The following CRY1 variants were observed in gnomAD, a reference collection of about 807,000 sequenced individuals.
The protein encoded by CRY1 is cryptochrome circadian regulator 1, also known as cryptochrome-1.
CRY1 carries 45 observed loss-of-function variants against 76.0 expected under a neutral mutation model. That is an observed-to-expected ratio of 0.59 (90% CI 0.47 to 0.76). The LOEUF (loss-of-function observed/expected upper bound fraction) is 0.76. Ranked by LOEUF, CRY1 falls within the 30% of genes least tolerant of loss-of-function variation. CRY1 has a pLI of 0.00. For missense variants in CRY1, 587 were observed against 716.4 expected (o/e 0.82, Z 2.06); for synonymous variants, 248 against 244.0 (o/e 1.02, Z -0.15).
chr12:107,092,540 C>G (rs985129564), intron 1 of CRY1, among the ~76,000 whole-genome samples: 2 of 152,170 alleles, frequency 1.3e-5, no homozygotes, highest in African/African-American at 4.8e-5. Flanking sequence ...TAAGAATTCT[C>G]CACAAATTCA....
intron 1 of CRY1, among the ~76,000 whole-genome samples, chr12:107,046,854 T>C (rs964365105): frequency 6.6e-6 from 1 of 152,230 alleles, no homozygotes; most frequent in Non-Finnish European, 1.5e-5. Context: ...TAATATAATG[T>C]ATCCAACACT....
chr12:107,090,295 A>G (rs528150720), intron 1 of CRY1, among the ~76,000 whole-genome samples: 2 of 151,980 alleles, frequency 1.3e-5, no homozygotes, highest in African/African-American at 2.4e-5. Flanking sequence ...GTTTTGCCAT[A>G]TTGGCCAGGC....
intron 1 of CRY1, among the ~76,000 whole-genome samples, chr12:107,046,820 T>C (rs560031207): frequency 1.3e-5 from 2 of 152,270 alleles, no homozygotes; most frequent in Admixed American, 1.3e-4. Flanking sequence ...AAGGATCAAT[T>C]CAACAAGAGG....
rs570527385 is a variant in CRY1, at chr12:107,093,306, G to A, written c.-345C>T. ...GGAGCTCGAGCCGCCACGACGGCCCGAGCCGGCACGGACGGCCCCAGGAGA... is the reference window on the plus strand; with the variant it reads ...GGAGCTCGAGCCGCCACGACGGCCCAAGCCGGCACGGACGGCCCCAGGAGA... On this transcript the variant is annotated 5_prime_UTR_variant, in exon 1 of 13. Coordinates refer to ENST00000008527, the MANE Select transcript of CRY1 (RefSeq NM_004075.5). 92 of 241,184 alleles carry A rather than the reference G, an allele frequency of 3.8e-4. 1 individual carries two copies. The highest frequency in any genetic ancestry group is 1.9e-3 in the African/African-American group (85 of 44,398). The allele number at this position is 241,184 out of a possible 1,614,324, so 14.9% of individuals were successfully genotyped here.
intron 1 of CRY1, among the ~76,000 whole-genome samples, chr12:107,041,799 G>T: frequency 6.6e-6 from 1 of 151,504 alleles, no homozygotes. Context: ...GGGTGGGGGT[G>T]GGGAAGAGTG....
At chr12:107,045,136 A>C (rs1395266477) in intron 1 of CRY1, among the ~76,000 whole-genome samples, 2 of 152,194 alleles carry the variant, frequency 1.3e-5, no homozygotes, top group Non-Finnish European at 2.9e-5. Context: ...GAAAAGTGTC[A>C]AGTCATATAA....
At chr12:107,016,534 C>T (rs1055229528) in intron 2 of CRY1, among the ~76,000 whole-genome samples, 3 of 152,020 alleles carry the variant, frequency 2.0e-5, no homozygotes, top group Non-Finnish European at 4.4e-5. Context: ...GTAAAGCTAC[C>T]TCACAAAATA....
intron 1 of CRY1, among the ~76,000 whole-genome samples, chr12:107,026,470 G>A (rs1952617009): frequency 6.6e-6 from 1 of 152,000 alleles, no homozygotes; most frequent in African/African-American, 2.4e-5. Flanking sequence ...CTGACCTCAG[G>A]TGATCCACCT....
intron 2 of CRY1, among the ~76,000 whole-genome samples, chr12:107,010,064 G>A (rs1952425442): frequency 6.6e-6 from 1 of 152,076 alleles, no homozygotes; most frequent in Non-Finnish European, 1.5e-5. Flanking sequence ...TTATTTAAGA[G>A]ATATAGGGCT....
At chr12:106,992,081 T>C (rs1333430637) in intron 12 of CRY1, 80 bp from the exon 13 acceptor site, 1 of 152,194 alleles carries the variant, frequency 6.6e-6, no homozygotes. Context: ...TGAGTGTTTA[T>C]TGACCTTATC....
At chr12:107,088,479 AAC>A (rs1953429871) in intron 1 of CRY1, among the ~76,000 whole-genome samples, 1 of 151,530 alleles carries the variant, frequency 6.6e-6, no homozygotes, top group Non-Finnish European at 1.5e-5. Flanking sequence ...TAATAACACA[AAC>A]AGACTAAGGG....
rs1212019147 is a variant in CRY1 at position 106,997,992 on chromosome 12, G to A, written c.1212C>T (p.Ser404=). 2 of 1,613,920 alleles carry A rather than the reference G, an allele frequency of 1.2e-6. No homozygotes were observed. The highest frequency in any genetic ancestry group is 3.3e-5 in the Admixed American group (2 of 59,978). Residue 404 remains serine (S), a synonymous_variant, in exon 8 of 13, where the codon TCC becomes TCT. Coordinates refer to ENST00000008527, the MANE Select transcript of CRY1 (RefSeq NM_004075.5). ...AGSWMWLSCS[S]FFQQFFHCYC... Reference sequence around the variant, plus strand: ...AGCAGTGAAAAAACTGTTGAAAAAAGGAACTACAAGACAGCCACATCCAAC... The same window carrying A: ...AGCAGTGAAAAAACTGTTGAAAAAAAGAACTACAAGACAGCCACATCCAAC...
In CRY1 at chr12:107,005,207, C is replaced by T. The variant is rs201080963; in HGVS notation, c.309G>A (p.Glu103=). Residue 103 remains glutamate (E), a synonymous_variant, in exon 3 of 13, where the codon GAG becomes GAA. Coordinates refer to ENST00000008527, the MANE Select transcript of CRY1 (RefSeq NM_004075.5). ...CTGCGTCTCGTTCCTTTCCAAAGGGCTCAGAATCATACTCAATTGAAAGTT... is the reference window on the plus strand; with the variant it reads ...CTGCGTCTCGTTCCTTTCCAAAGGGTTCAGAATCATACTCAATTGAAAGTT... ...ITKLSIEYDS[E]PFGKERDAAI... 1.3e-5 allele frequency: 21 copies of T among 1,613,340 alleles called. No individual in the cohort carries two copies. The highest frequency in any genetic ancestry group is 1.7e-5 in the Admixed American group (1 of 59,972).
chr12:107,013,243 G>C (rs527267366), intron 2 of CRY1, among the ~76,000 whole-genome samples: 2 of 152,222 alleles, frequency 1.3e-5, no homozygotes, highest in East Asian at 3.9e-4. Context: ...AATTGCCATA[G>C]CCACCACAAC....
chr12:106,999,473 A>G (rs1952275575), intron 7 of CRY1, 78 bp downstream of exon 7: 1 of 1,358,238 alleles, frequency 7.4e-7, no homozygotes, highest in Admixed American at 2.4e-5. Context: ...ATCTATAAAC[A>G]GACAACTTCT....
At position 106,997,395 on chromosome 12, in the gene CRY1, C is replaced by A. The variant is rs1338451721; in HGVS notation, c.1493-9G>T. 3.1e-6 allele frequency: 5 copies of A among 1,612,030 alleles called. No homozygotes were observed. In the African/African-American group the frequency reaches 5.4e-5, roughly 17 times the overall value. On this transcript the variant is annotated splice_polypyrimidine_tract_variant and intron_variant, in intron 9 of 12. Coordinates refer to ENST00000008527, the MANE Select transcript of CRY1 (RefSeq NM_004075.5). ...TACTGATGCCAGAAGACCTAAAGGA[C>A]AAAAAAATTTTCTTTTAAATTATGA...
intron 10 of CRY1, among the ~76,000 whole-genome samples, chr12:106,995,467 GA>G (rs1952223965): frequency 6.6e-6 from 1 of 151,510 alleles, no homozygotes; most frequent in Non-Finnish European, 1.5e-5. Flanking sequence ...TTTTTATTTT[GA>G]AAAATATAGA....
At chr12:107,072,053 T>C (rs1390683185) in intron 1 of CRY1, among the ~76,000 whole-genome samples, 2 of 152,226 alleles carry the variant, frequency 1.3e-5, no homozygotes, top group Non-Finnish European at 2.9e-5. Flanking sequence ...AAACTTGTGC[T>C]CAAGTAGTAT....
chr12:107,073,588 G>T (rs1429434519), intron 1 of CRY1, among the ~76,000 whole-genome samples: 1 of 152,020 alleles, frequency 6.6e-6, no homozygotes, highest in Non-Finnish European at 1.5e-5. Flanking sequence ...AATTAGCTGG[G>T]CATGGTGGTG....
Sources: gnomAD v4.1 joint callset for allele counts (sites outside exome capture counted in the v4.1 genomes callset) on GRCh38, gnomAD v4.1.1 for gene constraint, MANE v1.5 for transcripts, NCBI Gene and HGNC (gene_info 2026-07-23, HGNC 2026-07-21) for gene names.